The following DOCK9 variants were observed in gnomAD, a reference collection of about 807,000 sequenced individuals.
DOCK9 encodes the protein dedicator of cytokinesis 9.
Under a neutral mutation model 263.3 loss-of-function variants are expected in DOCK9, and 89 were observed. The ratio of observed to expected loss-of-function variants is 0.34; its 90% CI spans 0.28 to 0.40. The LOEUF (loss-of-function observed/expected upper bound fraction) is 0.40, where lower values mean the gene tolerates loss of function less well. Ranked by LOEUF, DOCK9 falls within the 10% of genes least tolerant of loss-of-function variation. The pLI is 1.00. For missense variants in DOCK9, 2,140 were observed against 2,603.4 expected (o/e 0.82, Z 3.87); for synonymous variants, 976 against 973.1 (o/e 1.00, Z -0.06).
At chr13:99,015,662 C>T in intron 1 of DOCK9, 3 of 1,522,900 alleles carry the variant, frequency 2.0e-6, no homozygotes, top group Non-Finnish European at 2.6e-6. Context: ...TTTCCACATC[C>T]TCTTCCTTGG....
At chr13:98,914,616 G>A (rs904358607) in intron 8 of DOCK9, among the ~76,000 whole-genome samples, 5 of 152,130 alleles carry the variant, frequency 3.3e-5, no homozygotes, top group East Asian at 1.9e-4. Flanking sequence ...CATGGACACC[G>A]TCCAATTAGA....
At chr13:98,863,279 T>G in intron 31 of DOCK9, 91 bp downstream of exon 31, 1 of 1,527,908 alleles carries the variant, frequency 6.5e-7, no homozygotes, top group South Asian at 1.2e-5. Context: ...TTAGTGCTGT[T>G]ACCATGAATT....
At chr13:98,848,911 C>T (rs747791078) in intron 36 of DOCK9, among the ~76,000 whole-genome samples, 10 of 152,082 alleles carry the variant, frequency 6.6e-5, no homozygotes, top group Non-Finnish European at 1.3e-4. Flanking sequence ...GGCCCACGAC[C>T]GACAGGATCG....
At chr13:98,986,871 T>A (rs1878588339) in intron 1 of DOCK9, among the ~76,000 whole-genome samples, 1 of 152,200 alleles carries the variant, frequency 6.6e-6, no homozygotes, top group African/African-American at 2.4e-5. Flanking sequence ...GTAGATATGC[T>A]ACAAATAAAG....
chr13:98,901,445 CAA>C (rs777858535), intron 13 of DOCK9, among the ~76,000 whole-genome samples: 10 of 152,136 alleles, frequency 6.6e-5, no homozygotes, highest in Non-Finnish European at 1.5e-4. Flanking sequence ...TTTCAGAACC[CAA>C]GAGGCAAATT....
At chr13:99,005,826 A>G (rs1220081957) in intron 1 of DOCK9, among the ~76,000 whole-genome samples, 1 of 152,214 alleles carries the variant, frequency 6.6e-6, no homozygotes, top group Non-Finnish European at 1.5e-5. Context: ...GGCCTGGACA[A>G]TATAAAAAAA....
chr13:98,830,918 G>C (rs2092735068), intron 41 of DOCK9, among the ~76,000 whole-genome samples: 1 of 152,186 alleles, frequency 6.6e-6, no homozygotes, highest in Non-Finnish European at 1.5e-5. Context: ...ACACAAGTTT[G>C]GTCATTATCT....
At chr13:99,008,937 GA>G (rs1203974959) in intron 1 of DOCK9, among the ~76,000 whole-genome samples, 1 of 152,186 alleles carries the variant, frequency 6.6e-6, no homozygotes, top group African/African-American at 2.4e-5. Context: ...GGAGGTAGGG[GA>G]CACAATTCAG....
intron 9 of DOCK9, among the ~76,000 whole-genome samples, chr13:98,906,972 T>C (rs913044746): frequency 6.6e-6 from 1 of 152,188 alleles, no homozygotes; most frequent in African/African-American, 2.4e-5. Flanking sequence ...CTGAAGGCTA[T>C]GGAGGTGAAG....
intron 2 of DOCK9, among the ~76,000 whole-genome samples, chr13:98,953,257 A>C (rs1244158832): frequency 6.6e-6 from 1 of 152,206 alleles, no homozygotes; most frequent in Non-Finnish European, 1.5e-5. Flanking sequence ...CTCTAGGAAA[A>C]CTTCTCCCCA....
At chr13:98,806,876 T>C (rs1455148952) in intron 48 of DOCK9, among the ~76,000 whole-genome samples, 5 of 149,712 alleles carry the variant, frequency 3.3e-5, no homozygotes, top group African/African-American at 9.9e-5. Context: ...GCCACTGCAC[T>C]CCAGCCCAGG....
At chr13:98,884,579 G>A (rs566362676) in intron 21 of DOCK9, among the ~76,000 whole-genome samples, 11 of 152,354 alleles carry the variant, frequency 7.2e-5, no homozygotes, top group African/African-American at 2.4e-4. Context: ...TTCAGAATGT[G>A]CAACCCTGTG....
intron 15 of DOCK9, among the ~76,000 whole-genome samples, chr13:98,893,194 C>T (rs1377002386): frequency 2.0e-5 from 3 of 152,034 alleles, no homozygotes; most frequent in African/African-American, 4.8e-5. Context: ...AGAGCGAAAT[C>T]GGGGTAAGAC....
chr13:99,072,819 A>G (rs535600889), intron 1 of DOCK9, among the ~76,000 whole-genome samples: 24 of 152,200 alleles, frequency 1.6e-4, no homozygotes, highest in Middle Eastern at 3.4e-3. Flanking sequence ...GCAACATGGC[A>G]AAACTCCATC....
At chr13:98,817,870 T>C (rs1442592578) in intron 45 of DOCK9, among the ~76,000 whole-genome samples, 1 of 151,222 alleles carries the variant, frequency 6.6e-6, no homozygotes, top group Non-Finnish European at 1.5e-5. Context: ...TAGAGCTTAG[T>C]AAGTAATTAT....
chr13:98,864,911 C>G (rs995073677), intron 30 of DOCK9, among the ~76,000 whole-genome samples: 8 of 152,138 alleles, frequency 5.3e-5, no homozygotes, highest in African/African-American at 1.9e-4. Flanking sequence ...CACTCCTCGT[C>G]TCTTGCTCCC....
intron 49 of DOCK9, among the ~76,000 whole-genome samples, chr13:98,800,793 G>A (rs2090026127): frequency 6.6e-6 from 1 of 152,116 alleles, no homozygotes; most frequent in Admixed American, 6.5e-5. Flanking sequence ...GTTTGAATGA[G>A]TTAGTGGATA....
chr13:99,051,735 C>T (rs1486413791), intron 1 of DOCK9, among the ~76,000 whole-genome samples: 1 of 151,306 alleles, frequency 6.6e-6, no homozygotes, highest in Non-Finnish European at 1.5e-5. Context: ...TACTTCAAAC[C>T]CCAGACAAAA....
At chr13:98,875,664 G>A (rs1237473555) in intron 27 of DOCK9, among the ~76,000 whole-genome samples, 1 of 152,228 alleles carries the variant, frequency 6.6e-6, no homozygotes, top group Non-Finnish European at 1.5e-5. Context: ...GGCAGAGAGT[G>A]AGGAGAGGAC....
Sources: gnomAD v4.1 joint callset for allele counts (sites outside exome capture counted in the v4.1 genomes callset) on GRCh38, gnomAD v4.1.1 for gene constraint, MANE v1.5 for transcripts, NCBI Gene and HGNC (gene_info 2026-07-23, HGNC 2026-07-21) for gene names.